Variants in EML5 observed in about 807,000 individuals in gnomAD.
EML5 encodes the protein EMAP like 5.
In EML5, 120 loss-of-function variants were observed where a neutral mutation model predicts 250.0. The ratio of observed to expected loss-of-function variants is 0.48; its 90% CI spans 0.41 to 0.56. The LOEUF (loss-of-function observed/expected upper bound fraction) is 0.56, where lower values mean the gene tolerates loss of function less well. Among genes scored for constraint, EML5 ranks in the 20% least tolerant of loss-of-function variants. The pLI is 0.00. For synonymous variants in EML5, 771 were observed against 806.5 expected (o/e 0.96, Z 0.75); for missense variants, 2,006 against 2,437.6 (o/e 0.82, Z 3.73).
intron 17 of EML5, among the ~76,000 whole-genome samples, chr14:88,692,393 T>A (rs2092980981): frequency 6.6e-6 from 1 of 152,086 alleles, no homozygotes; most frequent in Non-Finnish European, 1.5e-5. Context: ...AAAAAAAGGA[T>A]GGTTGCTCTG....
At chr14:88,633,200 GT>G (rs2090533790) in intron 33 of EML5, among the ~76,000 whole-genome samples, 1 of 152,046 alleles carries the variant, frequency 6.6e-6, no homozygotes, top group Admixed American at 6.6e-5. Context: ...CAAATACTTT[GT>G]TTTATTGCCA....
intron 1 of EML5, among the ~76,000 whole-genome samples, chr14:88,765,099 A>G (rs2094303314): frequency 6.6e-6 from 1 of 150,722 alleles, no homozygotes; most frequent in Non-Finnish European, 1.5e-5. Flanking sequence ...CAAGGGTATT[A>G]TATTAGTTTT....
chr14:88,676,672 C>G (rs530401244), intron 21 of EML5, among the ~76,000 whole-genome samples: 3 of 152,212 alleles, frequency 2.0e-5, no homozygotes, highest in South Asian at 2.1e-4. Context: ...CCCATATAGC[C>G]AAGACAATGC....
chr14:88,712,255 T>C lies in EML5; in HGVS notation c.1657+16A>G. The C allele has an allele frequency of 6.4e-7, 1 of 1,559,664 alleles. No individual in the cohort carries two copies. The highest frequency in any genetic ancestry group is 8.8e-7 in the Non-Finnish European group (1 of 1,134,068). ...TGTGAGAGAGAGGTTACTTAATATT[T>C]TGAAAGAAAAGGTACCTTTTCTTAA... On this transcript the variant is annotated intron_variant, in intron 10 of 43. Coordinates refer to ENST00000554922, the MANE Select transcript of EML5 (RefSeq NM_183387.3).
At chr14:88,633,364 T>A (rs1412700110) in intron 33 of EML5, among the ~76,000 whole-genome samples, 1 of 151,524 alleles carries the variant, frequency 6.6e-6, no homozygotes, top group African/African-American at 2.4e-5. Flanking sequence ...GGAACTCCTG[T>A]CTCAGCCTCC....
chr14:88,749,963 C>G (rs1401852974), intron 2 of EML5, among the ~76,000 whole-genome samples: 1 of 152,176 alleles, frequency 6.6e-6, no homozygotes, highest in Non-Finnish European at 1.5e-5. Context: ...CAAGCCAAAT[C>G]CTGTCTGTAC....
intron 28 of EML5, among the ~76,000 whole-genome samples, chr14:88,649,412 A>C (rs2091514473): frequency 1.3e-5 from 2 of 152,162 alleles, no homozygotes; most frequent in African/African-American, 4.8e-5. Context: ...TCGTTTCAGA[A>C]ACTCTTTCAA....
intron 40 of EML5, 153 bp downstream of exon 40, chr14:88,618,497 T>TG: frequency 1.8e-6 from 2 of 1,092,820 alleles, no homozygotes; most frequent in South Asian, 3.3e-5. Context: ...CTCTGATAAG[T>TG]GGGGGAGGAA....
chr14:88,685,821 T>A lies in EML5; in HGVS notation c.2855-679A>T, dbSNP rs936691233. On this transcript the variant is annotated intron_variant, in intron 19 of 43. Coordinates refer to ENST00000554922, the MANE Select transcript of EML5 (RefSeq NM_183387.3). ...GTAAATGCTATGTAAATAGCTGTTATACTGTATTTTTAATTTATATTATTT... is the reference window on the plus strand; with the variant it reads ...GTAAATGCTATGTAAATAGCTGTTAAACTGTATTTTTAATTTATATTATTT... Among the ~76,000 whole-genome samples, 9 of 152,230 alleles carry A rather than the reference T, an allele frequency of 5.9e-5. No individual in the cohort carries two copies. The South Asian group carries it at 1.9e-3, about 32-fold the overall frequency.
intron 1 of EML5, among the ~76,000 whole-genome samples, chr14:88,785,621 T>C (rs1207113648): frequency 2.0e-5 from 3 of 152,240 alleles, no homozygotes; most frequent in Non-Finnish European, 2.9e-5. Flanking sequence ...AATTCTGTGA[T>C]CATCACTGAC....
rs1393319148 is a variant in EML5 at position 88,792,845 on chromosome 14, C to A, written c.-342G>T. ...CGCCTCCAGCTCCTCAGCCGCCGCC[C>A]GCGCACGCAGCTCCCAGCCCCGGTC... On this transcript the variant is annotated 5_prime_UTR_variant, in exon 1 of 44. Coordinates refer to ENST00000554922, the MANE Select transcript of EML5 (RefSeq NM_183387.3). The surrounding 1 kb of genome is among the most constrained non-coding windows in gnomAD (Gnocchi z 6.9). 6.1e-6 allele frequency: 4 copies of A among 657,138 alleles called. No homozygotes were observed. The highest frequency in any genetic ancestry group is 2.6e-4 in the East Asian group (2 of 7,780). The allele number at this position is 657,138 out of a possible 1,614,324, so 40.7% of individuals were successfully genotyped here.
At chr14:88,719,300 C>T (rs1431596364) in intron 8 of EML5, among the ~76,000 whole-genome samples, 1 of 149,306 alleles carries the variant, frequency 6.7e-6, no homozygotes, top group Non-Finnish European at 1.5e-5. Context: ...ATGGGAGGAT[C>T]GCTTGAGCCC....
At chr14:88,663,795 A>G (rs1263615090) in intron 23 of EML5, among the ~76,000 whole-genome samples, 1 of 151,424 alleles carries the variant, frequency 6.6e-6, no homozygotes, top group Non-Finnish European at 1.5e-5. Context: ...TTGGCCTCCC[A>G]AAGTACTGAG....
At chr14:88,692,245 C>T (rs7149523) in intron 17 of EML5, among the ~76,000 whole-genome samples, 25,555 of 151,826 alleles carry the variant, frequency 0.17, 2,806 homozygotes, top group African/African-American at 0.31. Context: ...GGTGTGGTGG[C>T]GGGCACCTGT....
Position 88,757,446 on chromosome 14 carries a change from C to CA in EML5, c.198-2776dup, listed in dbSNP as rs34410354. ...CAGATATAACACAAAGCATTAGTGACAAAAAAAAAAGCAGATAAAATGGAC... is the reference window on the plus strand; with the variant it reads ...CAGATATAACACAAAGCATTAGTGACAAAAAAAAAAAGCAGATAAAATGGAC... On this transcript the variant is annotated intron_variant, in intron 1 of 43. Coordinates refer to ENST00000554922, the MANE Select transcript of EML5 (RefSeq NM_183387.3). Among the ~76,000 whole-genome samples the CA allele has an allele frequency of 5.1e-3, 733 of 142,570 alleles. 4 individuals are homozygous for CA. The highest frequency in any genetic ancestry group is 6.5e-3 in the Admixed American group (92 of 14,144). 93.5% of individuals were successfully genotyped at this position (142,570 alleles called of 152,430 possible).
At chr14:88,765,502 G>A (rs999630139) in intron 1 of EML5, among the ~76,000 whole-genome samples, 2 of 152,072 alleles carry the variant, frequency 1.3e-5, no homozygotes, top group Non-Finnish European at 2.9e-5. Context: ...TCTGACTTCT[G>A]CTGCATGTTT....
At chr14:88,702,147 G>A (rs1202845533) in intron 14 of EML5, among the ~76,000 whole-genome samples, 1 of 151,938 alleles carries the variant, frequency 6.6e-6, no homozygotes, top group East Asian at 1.9e-4. Flanking sequence ...CAGATTTCTA[G>A]TCTTTATGTT....
chr14:88,646,148 A>G (rs2091336795), intron 29 of EML5, among the ~76,000 whole-genome samples: 1 of 152,184 alleles, frequency 6.6e-6, no homozygotes, highest in Non-Finnish European at 1.5e-5. Context: ...AAAGACTCCA[A>G]CATTTATGAA....
Position 88,627,795 on chromosome 14 carries a change from C to A in EML5, c.4382G>T (p.Trp1461Leu). The A allele has an allele frequency of 6.2e-7, 1 of 1,603,250 alleles. No homozygotes were observed. Among genetic ancestry groups the A allele is most frequent in the East Asian group, 2.2e-5 (1 of 44,666 alleles). ...TAAAGTCTGCTTGTTCATTGCATCC[C>A]AGATGTGAATAGAAGGAGCTGTAGC... ...MSATAPSIHI[W>L]DAMNKQTLSI... is the part of the protein sequence containing the mutation. The change falls in exon 34 of 44, where the codon TGG becomes TTG. Residue 1461 changes from tryptophan (W) to leucine (L), a missense_variant. Physicochemically the swap from Trp to Leu is moderately conservative, Grantham distance 61. This residue lies in a region of EML5 where 1,375 missense variants were observed against 1,590.3 expected (regional missense o/e 0.86). Coordinates refer to ENST00000554922, the MANE Select transcript of EML5 (RefSeq NM_183387.3).
Sources: allele counts gnomAD v4.1 joint callset (sites outside exome capture counted in the v4.1 genomes callset), GRCh38; gene constraint gnomAD v4.1.1; regional missense constraint gnomAD v4.1.1; non-coding constraint Gnocchi (gnomAD v3.1); transcripts MANE v1.5; gene names NCBI Gene and HGNC (gene_info 2026-07-23, HGNC 2026-07-21).